The following CFH variants were observed in gnomAD, a reference collection of about 807,000 sequenced individuals.
The protein encoded by CFH is H factor 1 (complement).
A neutral mutation model predicts 147.3 loss-of-function variants in CFH; 53 were observed. That is an observed-to-expected ratio of 0.36 (90% confidence interval 0.29 to 0.45). CFH has a LOEUF of 0.45. Ranked by LOEUF, CFH falls within the 20% of genes least tolerant of loss-of-function variation. The pLI is 1.00. For synonymous variants in CFH, 536 were observed against 489.4 expected (o/e 1.10, Z -1.26); for missense variants, 1,380 against 1,498.0 (o/e 0.92, Z 1.30).
intron 15 of CFH, among the ~76,000 whole-genome samples, chr1:196,728,866 C>A (rs1669213185): frequency 1.3e-5 from 2 of 151,982 alleles, no homozygotes. Context: ...ATGCCAATAA[C>A]TACTATGTAT....
Position 196,713,917 on chromosome 1 carries a change from A to C in CFH, c.1519A>C (p.Lys507Gln), listed in dbSNP as rs762313694. 1 of 1,611,364 alleles carries C rather than the reference A, an allele frequency of 6.2e-7. No homozygotes were observed. The highest frequency in any genetic ancestry group is 2.2e-5 in the East Asian group (1 of 44,684). Reference protein sequence around the residue: ...DGWSAQPTCIKSCDIPVFMNA... With the variant: ...DGWSAQPTCIQSCDIPVFMNA... ...ATGGTCAGCTCAACCCACGTGCATTAGTAAGTAATTTATTATGTTTGTATT... is the reference window on the plus strand; with the variant it reads ...ATGGTCAGCTCAACCCACGTGCATTCGTAAGTAATTTATTATGTTTGTATT... Residue 507 changes from lysine to glutamine, a missense_variant and splice_region_variant, in exon 10 of 22, where the codon AAA becomes CAA. Around this residue, in one of 4 missense-constraint regions of CFH, gnomAD observed 830 missense variants for 821.4 expected, o/e 1.01. Coordinates refer to ENST00000367429, the MANE Select transcript of CFH (RefSeq NM_000186.4).
intron 6 of CFH, among the ~76,000 whole-genome samples, chr1:196,681,617 A>G (rs962911298): frequency 6.6e-6 from 1 of 151,786 alleles, no homozygotes; most frequent in African/African-American, 2.4e-5. Context: ...TGCTTTCTTT[A>G]GGAAAAGAGA....
chr1:196,693,981 TG>T (rs1304626720), intron 9 of CFH, among the ~76,000 whole-genome samples: 1 of 151,488 alleles, frequency 6.6e-6, no homozygotes, highest in African/African-American at 2.4e-5. Context: ...TGTGTGTGTG[TG>T]TGTGTGTGTT....
chr1:196,710,710 G>A (rs947400878), intron 9 of CFH, among the ~76,000 whole-genome samples: 9 of 152,030 alleles, frequency 5.9e-5, no homozygotes, highest in African/African-American at 2.2e-4. Flanking sequence ...ATATGTAATA[G>A]TATTAAATTT....
intron 5 of CFH, 36 bp downstream of exon 5, chr1:196,677,703 T>C (rs764966201): frequency 8.2e-6 from 13 of 1,578,326 alleles, no homozygotes; most frequent in Middle Eastern, 1.7e-4. Context: ...TTTTTAGCTT[T>C]TTAAATGTAA....
At chr1:196,739,744 C>A (rs1229631985) in intron 17 of CFH, among the ~76,000 whole-genome samples, 1 of 152,190 alleles carries the variant, frequency 6.6e-6, no homozygotes, top group African/African-American at 2.4e-5. Context: ...ATGGTTCTAA[C>A]CCCTGCCTGT....
rs144696019 is a variant in CFH, at chr1:196,725,168, C to T, written c.1744C>T (p.Arg582Cys). The T allele has an allele frequency of 8.7e-6, 14 of 1,613,576 alleles. No individual in the cohort carries two copies. The highest frequency in any genetic ancestry group is 2.2e-5 in the East Asian group (1 of 44,822). Residue 582 changes from arginine (R) to cysteine (C), a missense_variant, in exon 12 of 22, where the codon CGC becomes TGC. By Grantham distance (180) the Arg-to-Cys change is radical. Coordinates refer to ENST00000367429, the MANE Select transcript of CFH (RefSeq NM_000186.4). Reference sequence around the variant, plus strand: ...AATAGATGTACACTTAGTTCCTGATCGCAAGAAAGACCAGTATAAAGTTGG... The same window carrying T: ...AATAGATGTACACTTAGTTCCTGATTGCAAGAAAGACCAGTATAAAGTTGG... ...PKIDVHLVPD[R>C]KKDQYKVGEV... is the part of the protein sequence containing the mutation.
chr1:196,731,277 A>G (rs1669275480), intron 15 of CFH, among the ~76,000 whole-genome samples: 1 of 151,842 alleles, frequency 6.6e-6, no homozygotes. Context: ...TGCATAGCAT[A>G]CCTTATAAAA....
chr1:196,684,091 C>G (rs1343084633), intron 6 of CFH, among the ~76,000 whole-genome samples: 2 of 151,786 alleles, frequency 1.3e-5, no homozygotes, highest in Non-Finnish European at 2.9e-5. Context: ...TGAGATATAG[C>G]AGAGTTAATG....
intron 9 of CFH, among the ~76,000 whole-genome samples, chr1:196,708,016 T>C (rs1361499925): frequency 1.3e-5 from 2 of 152,292 alleles, no homozygotes; most frequent in African/African-American, 2.4e-5. Flanking sequence ...GTTAGACTTA[T>C]AGATTTTCTA....
intron 11 of CFH, among the ~76,000 whole-genome samples, chr1:196,723,741 T>C (rs1210767100): frequency 6.6e-6 from 1 of 152,046 alleles, no homozygotes; most frequent in African/African-American, 2.4e-5. Flanking sequence ...GCACCAGCCC[T>C]GACAGGGGTG....
At chr1:196,683,146 T>C (rs1667711807) in intron 6 of CFH, among the ~76,000 whole-genome samples, 1 of 150,612 alleles carries the variant, frequency 6.6e-6, no homozygotes, top group Admixed American at 6.6e-5. Context: ...TAAAGGAAAA[T>C]AATAAGATAT....
rs773509771 is a variant in CFH at position 196,689,476 on chromosome 1, C to T, written c.1021C>T (p.Arg341Cys). ...KHGGLYHENMRRPYFPVAVGK... is the reference protein window; with the variant it reads ...KHGGLYHENMCRPYFPVAVGK... ...TGGAGGTCTATATCATGAGAATATG[C>T]GTAGACCATACTTTCCAGTAGCTGT... Residue 341 changes from arginine to cysteine, a missense_variant, in exon 8 of 22, where the codon CGT becomes TGT. Physicochemically the swap from Arg to Cys is radical, Grantham distance 180. Transcript: ENST00000367429. 4 of 1,613,340 alleles carry T rather than the reference C, an allele frequency of 2.5e-6. No homozygotes were observed. Among genetic ancestry groups the T allele is most frequent in the African/African-American group, 2.7e-5 (2 of 74,952 alleles).
intron 6 of CFH, among the ~76,000 whole-genome samples, chr1:196,680,732 C>A (rs1292311118): frequency 6.6e-6 from 1 of 151,706 alleles, no homozygotes; most frequent in African/African-American, 2.4e-5. Flanking sequence ...TCTTAAGAGC[C>A]CTCTGAACTT....
intron 9 of CFH, among the ~76,000 whole-genome samples, chr1:196,693,779 A>G (rs936448239): frequency 3.3e-5 from 5 of 152,112 alleles, no homozygotes; most frequent in East Asian, 1.9e-4. Context: ...GCTAAGTATT[A>G]TTCCATTATA....
At chr1:196,735,692 TCAAGCATAAATA>T in intron 15 of CFH, among the ~76,000 whole-genome samples, 1 of 152,120 alleles carries the variant, frequency 6.6e-6, no homozygotes, top group African/African-American at 2.4e-5. Context: ...AAAGAATCAT[TCAAGCATAAATA>T]GTTGACCATT....
At chr1:196,680,941 A>G (rs1388661250) in intron 6 of CFH, among the ~76,000 whole-genome samples, 1 of 151,918 alleles carries the variant, frequency 6.6e-6, no homozygotes, top group Non-Finnish European at 1.5e-5. Flanking sequence ...TATTTTAGAA[A>G]GAAATTAATG....
chr1:196,714,597 ATG>A (rs3043112), intron 10 of CFH, among the ~76,000 whole-genome samples: 21,740 of 103,718 alleles, frequency 0.21, 2,677 homozygotes, highest in East Asian at 0.39. Flanking sequence ...ACTCAGTAAT[ATG>A]TGTGTGTGTG....
intron 9 of CFH, among the ~76,000 whole-genome samples, chr1:196,710,130 T>TCCC (rs1668691033): frequency 6.6e-6 from 1 of 152,062 alleles, no homozygotes; most frequent in African/African-American, 2.4e-5. Flanking sequence ...TTCCACATCC[T>TCCC]GGTGACTTCA....
Sources: allele counts gnomAD v4.1 joint callset (sites outside exome capture counted in the v4.1 genomes callset), GRCh38; gene constraint gnomAD v4.1.1; regional missense constraint gnomAD v4.1.1; transcripts MANE v1.5; gene names NCBI Gene and HGNC (gene_info 2026-07-23, HGNC 2026-07-21).